SENP7: variants seen among roughly 807,000 people sequenced by gnomAD.
SENP7 encodes sentrin-specific protease 7.
Under a neutral mutation model 141.2 loss-of-function variants are expected in SENP7, and 64 were observed. The observed-to-expected ratio is 0.45, with a 90% CI of 0.37 to 0.56. The LOEUF is 0.56. Among genes scored for constraint, SENP7 ranks in the 20% least tolerant of loss-of-function variants. SENP7 has a pLI of 0.00. For missense variants in SENP7, 1,025 were observed against 1,212.2 expected (o/e 0.85, Z 2.29); for synonymous variants, 382 against 426.4 (o/e 0.90, Z 1.28).
At chr3:101,328,229 T>C (rs1205321429) in intron 22 of SENP7, among the ~76,000 whole-genome samples, 1 of 152,174 alleles carries the variant, frequency 6.6e-6, no homozygotes, top group East Asian at 1.9e-4. Flanking sequence ...TGCTTCTTTG[T>C]AAAACTATAC....
At chr3:101,458,887 T>G in intron 4 of SENP7, 68 bp downstream of exon 4, 1 of 940,276 alleles carries the variant, frequency 1.1e-6, no homozygotes, top group South Asian at 1.6e-5. Context: ...CCAACAAGCT[T>G]AAATGAATCA....
At chr3:101,457,855 T>C in intron 4 of SENP7, 1 of 535,968 alleles carries the variant, frequency 1.9e-6, no homozygotes, top group Middle Eastern at 5.0e-4. Flanking sequence ...GGGAATGATG[T>C]ATGTTGTGAA....
At chr3:101,460,812 C>T (rs1454545999) in intron 3 of SENP7, among the ~76,000 whole-genome samples, 1 of 151,938 alleles carries the variant, frequency 6.6e-6, no homozygotes, top group East Asian at 1.9e-4. Context: ...AGTATAGTAT[C>T]CAGGTCAACC....
At chr3:101,401,096 CAAAA>C (rs36081020) in intron 5 of SENP7, among the ~76,000 whole-genome samples, 2 of 130,366 alleles carry the variant, frequency 1.5e-5, no homozygotes, top group Admixed American at 7.5e-5. Context: ...GTCCTTGTCT[CAAAA>C]AAAAAAAAAA....
chr3:101,429,965 T>C (rs1197280630), intron 4 of SENP7, among the ~76,000 whole-genome samples: 1 of 152,204 alleles, frequency 6.6e-6, no homozygotes, highest in Non-Finnish European at 1.5e-5. Flanking sequence ...TTGTCGTTGG[T>C]TCTGTTTATG....
intron 4 of SENP7, among the ~76,000 whole-genome samples, chr3:101,424,472 C>A (rs1330489716): frequency 6.6e-6 from 1 of 152,054 alleles, no homozygotes; most frequent in Non-Finnish European, 1.5e-5. Context: ...GCAGTGCAAA[C>A]CATGGCGAGC....
intron 3 of SENP7, among the ~76,000 whole-genome samples, chr3:101,463,343 T>C (rs200039918): frequency 1.9e-5 from 2 of 104,312 alleles, no homozygotes; most frequent in East Asian, 2.8e-4. Flanking sequence ...AGCAAAACCA[T>C]GTATCATAAA....
Position 101,341,671 on chromosome 3 carries a change from C to T in SENP7, c.2215G>A (p.Val739Ile). 1 of 1,609,290 alleles carries T rather than the reference C, an allele frequency of 6.2e-7. No homozygotes were observed. Among genetic ancestry groups the T allele is most frequent in the Non-Finnish European group, 8.5e-7 (1 of 1,176,526 alleles). Reference sequence around the variant, plus strand: ...TTCTGAACAAGTCCAGTGTGCCTGACTTCTCGCCATTCTTCATCTGGATTA... The same window carrying T: ...TTCTGAACAAGTCCAGTGTGCCTGATTTCTCGCCATTCTTCATCTGGATTA... The part of the protein sequence containing the change: ...TSNPDEEWRE[V>I]RHTGLVQKLI... Residue 739 changes from valine to isoleucine, a missense_variant, in exon 15 of 24, where the codon GTC becomes ATC. Val to Ile is a conservative substitution (Grantham distance 29, BLOSUM62 3). Coordinates refer to ENST00000394095, the MANE Select transcript of SENP7 (RefSeq NM_020654.5).
chr3:101,383,921 G>A (rs72940374), intron 6 of SENP7, among the ~76,000 whole-genome samples: 1,626 of 152,312 alleles, frequency 0.011, 23 homozygotes, highest in African/African-American at 0.036. Context: ...TCCCAGTTCC[G>A]TGGACCAGAG....
chr3:101,420,632 C>T (rs2061765076), intron 4 of SENP7, among the ~76,000 whole-genome samples: 1 of 152,124 alleles, frequency 6.6e-6, no homozygotes. Context: ...CCATCTTATG[C>T]AAGTGATCAA....
In SENP7 at chr3:101,372,109, T is replaced by C. The variant is rs2107438795; in HGVS notation, c.695A>G (p.Lys232Arg). The change falls in exon 7 of 24, where the codon AAG becomes AGG. Residue 232 changes from lysine (K) to arginine (R), a missense_variant. By Grantham distance (26) the Lys-to-Arg change is conservative. Coordinates refer to ENST00000394095, the MANE Select transcript of SENP7 (RefSeq NM_020654.5). Reference protein sequence around the residue: ...YLSERGSQRSKTVDDNSAKQT... With the variant: ...YLSERGSQRSRTVDDNSAKQT... ...CTTTGCAGAATTGTCATCTACTGTC[T>C]TACTTCGTTGTGAGCCCCTGCAAAA... is the stretch of plus-strand genomic sequence containing the variant. The C allele has an allele frequency of 6.4e-7, 1 of 1,553,138 alleles. No individual in the cohort carries two copies. Among genetic ancestry groups the C allele is most frequent in the African/African-American group, 1.4e-5 (1 of 73,968 alleles).
chr3:101,377,080 C>T (rs989523858), intron 6 of SENP7, among the ~76,000 whole-genome samples: 7 of 151,930 alleles, frequency 4.6e-5, no homozygotes, highest in Admixed American at 1.3e-4. Context: ...TCGGATTCAA[C>T]CACATACATG....
chr3:101,377,158 A>G (rs1157463387), intron 6 of SENP7, among the ~76,000 whole-genome samples: 2 of 152,182 alleles, frequency 1.3e-5, no homozygotes, highest in Non-Finnish European at 2.9e-5. Flanking sequence ...CCAAAACTGC[A>G]TCAAACGAAG....
At chr3:101,348,433 G>GA (rs962943377) in intron 12 of SENP7, among the ~76,000 whole-genome samples, 6 of 151,770 alleles carry the variant, frequency 4.0e-5, no homozygotes, top group African/African-American at 9.7e-5. Context: ...TAGCAAAAAG[G>GA]AAAAAAATGT....
intron 5 of SENP7, among the ~76,000 whole-genome samples, chr3:101,401,186 G>T (rs11710016): frequency 0.17 from 26,584 of 151,938 alleles, 2,940 homozygotes; most frequent in Non-Finnish European, 0.24. Flanking sequence ...ACTGCTTGCT[G>T]CAGAGTCAAG....
At chr3:101,425,697 G>A (rs1398075153) in intron 4 of SENP7, among the ~76,000 whole-genome samples, 2 of 152,204 alleles carry the variant, frequency 1.3e-5, no homozygotes, top group East Asian at 3.8e-4. Context: ...TTCAGAATAT[G>A]AGTAGGAATG....
intron 5 of SENP7, among the ~76,000 whole-genome samples, chr3:101,411,191 A>G (rs2107630044): frequency 6.6e-6 from 1 of 152,370 alleles, no homozygotes; most frequent in African/African-American, 2.4e-5. Context: ...GATGGAAAGC[A>G]GTTAGCATAA....
rs2060197815 is a variant in SENP7, at chr3:101,372,108, C to T, written c.696G>A (p.Lys232=). Residue 232 remains lysine, a synonymous_variant, in exon 7 of 24, where the codon AAG becomes AAA. Transcript: ENST00000394095. ...GCTTTGCAGAATTGTCATCTACTGT[C>T]TTACTTCGTTGTGAGCCCCTGCAAA... is the stretch of plus-strand genomic sequence containing the variant. The part of the protein sequence containing the change: ...YLSERGSQRS[K]TVDDNSAKQT... The T allele has an allele frequency of 6.4e-7, 1 of 1,552,648 alleles. No homozygotes were observed. Among genetic ancestry groups the T allele is most frequent in the South Asian group, 1.2e-5 (1 of 80,528 alleles).
At position 101,481,345 on chromosome 3, in the gene SENP7, C is replaced by T. The variant is rs533265254; in HGVS notation, c.186+12528G>A. On this transcript the variant is annotated intron_variant, in intron 3 of 23. Transcript: ENST00000394095. ...ATTCTGTCATGTACAGAAACATGGA[C>T]GCAACTGAAGGTCATTATGTTAAGT... 1.5e-4 allele frequency among the ~76,000 whole-genome samples: 23 copies of T among 152,144 alleles called. 1 individual carries two copies. Among genetic ancestry groups the T allele is most frequent in the South Asian group, 6.2e-4 (3 of 4,824 alleles).
Sources: allele counts gnomAD v4.1 joint callset (sites outside exome capture counted in the v4.1 genomes callset), GRCh38; gene constraint gnomAD v4.1.1; transcripts MANE v1.5; gene names NCBI Gene and HGNC (gene_info 2026-07-23, HGNC 2026-07-21).